PCBP3: variants seen among roughly 807,000 people sequenced by gnomAD.
PCBP3 encodes the protein poly(rC) binding protein 3, also known as poly(rC)-binding protein 3.
A neutral mutation model predicts 52.7 loss-of-function variants in PCBP3; 25 were observed. That is an observed-to-expected ratio of 0.47 (90% CI 0.35 to 0.66). PCBP3 has a LOEUF of 0.66. Ranked by LOEUF, PCBP3 falls within the 30% of genes least tolerant of loss-of-function variation. PCBP3 has a pLI of 0.01. For missense variants in PCBP3, 391 were observed against 490.3 expected (o/e 0.80, Z 1.91); for synonymous variants, 162 against 183.0 (o/e 0.89, Z 0.93).
At chr21:45,658,923 T>C (rs1157239155) in intron 1 of PCBP3, among the ~76,000 whole-genome samples, 2 of 152,164 alleles carry the variant, frequency 1.3e-5, no homozygotes, top group African/African-American at 4.8e-5. Context: ...GAATTTCACC[T>C]AGGTTATCTA....
rs1473945525 is a variant in PCBP3, at chr21:45,880,045, G to A, written c.11-16163G>A. Among the ~76,000 whole-genome samples, 1 of 152,180 alleles carries A rather than the reference G, an allele frequency of 6.6e-6. No homozygotes were observed. The highest frequency in any genetic ancestry group is 2.4e-5 in the African/African-American group (1 of 41,438). ...CATGGGTTTCAAGAGCTTGCAAAAC[G>A]GTGGCAGTTCTCTGCTGTCTGCGTT... On this transcript the variant is annotated intron_variant, in intron 5 of 17. Coordinates refer to ENST00000681687, the MANE Select transcript of PCBP3 (RefSeq NM_001384156.1). The surrounding 1 kb of genome is among the most constrained non-coding windows in gnomAD (Gnocchi z 5.4).
At chr21:45,808,867 G>T (rs941474869) in intron 4 of PCBP3, among the ~76,000 whole-genome samples, 2 of 152,140 alleles carry the variant, frequency 1.3e-5, no homozygotes, top group Non-Finnish European at 2.9e-5. Flanking sequence ...CCATAAAAAA[G>T]GATGAGTTCA....
At chr21:45,774,122 G>T (rs1490579959) in intron 4 of PCBP3, among the ~76,000 whole-genome samples, 1 of 151,988 alleles carries the variant, frequency 6.6e-6, no homozygotes, top group South Asian at 2.1e-4. Flanking sequence ...AAGTTTTATG[G>T]GGCCGGGCGT....
chr21:45,647,626 C>CCGG, intron 1 of PCBP3, among the ~76,000 whole-genome samples: 1 of 152,148 alleles, frequency 6.6e-6, no homozygotes, highest in East Asian at 1.9e-4. Flanking sequence ...AACCGGAGTA[C>CCGG]AGAGTGTGTA....
chr21:45,739,023 A>AC (rs2086134925), intron 3 of PCBP3, among the ~76,000 whole-genome samples: 2 of 9,492 alleles, frequency 2.1e-4, no homozygotes, highest in Non-Finnish European at 2.0e-4. Context: ...GGGTGGCCCC[A>AC]CCATCTTCAT....
chr21:45,852,586 A>ACCC (rs2094078785), intron 5 of PCBP3, among the ~76,000 whole-genome samples: 1 of 149,468 alleles, frequency 6.7e-6, no homozygotes, highest in Admixed American at 6.6e-5. Flanking sequence ...CCCTGCAGCC[A>ACCC]TGCTGATTTT....
In PCBP3 at chr21:45,821,881, G is replaced by A. The variant is rs983508706; in HGVS notation, c.-125-28080G>A. On this transcript the variant is annotated intron_variant, in intron 4 of 17. Coordinates refer to ENST00000681687, the MANE Select transcript of PCBP3 (RefSeq NM_001384156.1). The surrounding 1 kb of genome is among the most constrained non-coding windows in gnomAD (Gnocchi z 4.4). ...CAGTGTCAGGGAGGCACCGCCCAGG[G>A]GAGGCTCCTCCTTAGGGTGCATTGT... Among the ~76,000 whole-genome samples, 4 of 152,168 alleles carry A rather than the reference G, an allele frequency of 2.6e-5. No individual in the cohort carries two copies. The East Asian group carries it at 7.7e-4, about 29-fold the overall frequency.
At chr21:45,809,543 G>A (rs992966558) in intron 4 of PCBP3, among the ~76,000 whole-genome samples, 1 of 152,180 alleles carries the variant, frequency 6.6e-6, no homozygotes, top group Non-Finnish European at 1.5e-5. Flanking sequence ...TGCTGCGTGG[G>A]GAGCACAATC....
chr21:45,755,930 C>T (rs1045481820), intron 4 of PCBP3, among the ~76,000 whole-genome samples: 5 of 151,974 alleles, frequency 3.3e-5, no homozygotes, highest in Admixed American at 2.6e-4. Flanking sequence ...TGTTTAATCT[C>T]GGTAAAGTAA....
chr21:45,673,655 A>G (rs1449044114), intron 2 of PCBP3: 6 of 152,198 alleles, frequency 3.9e-5, no homozygotes, highest in Admixed American at 3.3e-4. Context: ...ACATGAGATG[A>G]CTGATGTGCA....
chr21:45,726,465 C>G (rs1442425039), intron 2 of PCBP3, among the ~76,000 whole-genome samples: 3 of 152,120 alleles, frequency 2.0e-5, no homozygotes, highest in South Asian at 2.1e-4. Context: ...TTGCTCCACT[C>G]TATCCTGGGT....
At chr21:45,680,744 A>C (rs1292012342) in intron 2 of PCBP3, among the ~76,000 whole-genome samples, 1 of 152,138 alleles carries the variant, frequency 6.6e-6, no homozygotes, top group Non-Finnish European at 1.5e-5. Flanking sequence ...TAAGTGAGCA[A>C]CCTTGTCCTG....
At chr21:45,645,979 A>G (rs1315649200) in intron 1 of PCBP3, among the ~76,000 whole-genome samples, 1 of 151,632 alleles carries the variant, frequency 6.6e-6, no homozygotes, top group African/African-American at 2.4e-5. Flanking sequence ...CTCAGCTCTC[A>G]TCCCTGGTGG....
At chr21:45,910,267 T>TG (rs1430635170) in intron 10 of PCBP3, among the ~76,000 whole-genome samples, 2 of 125,142 alleles carry the variant, frequency 1.6e-5, no homozygotes, top group African/African-American at 6.1e-5. Context: ...CTATGGATCC[T>TG]GCCCACCCAC....
At chr21:45,864,396 G>A (rs138144867) in intron 5 of PCBP3, among the ~76,000 whole-genome samples, 3 of 152,362 alleles carry the variant, frequency 2.0e-5, no homozygotes, top group East Asian at 3.9e-4. Flanking sequence ...AGGAAGGCCA[G>A]TGAGCAGGAT....
intron 4 of PCBP3, among the ~76,000 whole-genome samples, chr21:45,849,317 T>C (rs1456310222): frequency 6.6e-6 from 1 of 151,510 alleles, no homozygotes. Flanking sequence ...GCAATTCTCC[T>C]GCCTCAGCCT....
chr21:45,700,803 T>C (rs1204801468), intron 2 of PCBP3, among the ~76,000 whole-genome samples: 1 of 152,182 alleles, frequency 6.6e-6, no homozygotes, highest in African/African-American at 2.4e-5. Context: ...CAGAGCCTTC[T>C]GTAGAGAGCT....
At chr21:45,668,574 G>T (rs891618895) in intron 1 of PCBP3, among the ~76,000 whole-genome samples, 3 of 151,912 alleles carry the variant, frequency 2.0e-5, no homozygotes, top group Non-Finnish European at 4.4e-5. Context: ...GGTAGGGTTG[G>T]GGGTGGGGGG....
chr21:45,645,106 C>G (rs891410997), intron 1 of PCBP3, among the ~76,000 whole-genome samples: 2 of 152,184 alleles, frequency 1.3e-5, no homozygotes, highest in Admixed American at 6.5e-5. Flanking sequence ...CTGAAAGGAC[C>G]TAATTGATCA....
Sources: allele counts gnomAD v4.1 joint callset (sites outside exome capture counted in the v4.1 genomes callset), GRCh38; gene constraint gnomAD v4.1.1; non-coding constraint Gnocchi (gnomAD v3.1); transcripts MANE v1.5; gene names NCBI Gene and HGNC (gene_info 2026-07-23, HGNC 2026-07-21).